Variants in SPATS1 observed in about 807,000 individuals in gnomAD.
The protein encoded by SPATS1 is spermatogenesis-associated serine-rich protein 1.
In SPATS1, 23 loss-of-function variants were observed where a neutral mutation model predicts 33.6. The observed-to-expected ratio is 0.68, with a 90% CI of 0.49 to 0.97. SPATS1 has a LOEUF of 0.97. SPATS1 is among the 50% of genes least tolerant of loss of function. The pLI is 0.00. For synonymous variants in SPATS1, 131 were observed against 125.6 expected, an observed-to-expected ratio of 1.04 and a Z score of -0.29; for missense variants, 327 against 361.0, an observed-to-expected ratio of 0.91 and a Z score of 0.76.
In SPATS1 at chr6:44,379,408, G is replaced by A. The variant is rs1359039748; in HGVS notation, c.*2345G>A. ...GATCGAGACCATCCTGGCTAACATG[G>A]AGAAACCCTGTCTCTATTAAAAACA... On this transcript the variant is annotated 3_prime_UTR_variant, in exon 9 of 9. Transcript: ENST00000674044. Among the ~76,000 whole-genome samples, 5 of 151,910 alleles carry A rather than the reference G, an allele frequency of 3.3e-5. No individual in the cohort carries two copies. Among genetic ancestry groups the A allele is most frequent in the South Asian group, 4.2e-4 (2 of 4,814 alleles).
intron 1 of SPATS1, 28 bp downstream of exon 1, chr6:44,342,796 C>G: frequency 1.6e-6 from 1 of 634,598 alleles, no homozygotes; most frequent in Non-Finnish European, 2.7e-6. Flanking sequence ...AGCACAGACC[C>G]GGGCCTCCCC....
chr6:44,349,635 A>T (rs1788117138), intron 2 of SPATS1, among the ~76,000 whole-genome samples: 1 of 152,222 alleles, frequency 6.6e-6, no homozygotes, highest in Non-Finnish European at 1.5e-5. Flanking sequence ...TAAAATAACG[A>T]TGCTATTACA....
chr6:44,358,197 A>T (rs1159148876), intron 3 of SPATS1, among the ~76,000 whole-genome samples: 1 of 152,218 alleles, frequency 6.6e-6, no homozygotes, highest in Non-Finnish European at 1.5e-5. Context: ...CAAGACAAGC[A>T]ATATGAAGTT....
chr6:44,354,406 T>C (rs1048058107), intron 3 of SPATS1, among the ~76,000 whole-genome samples: 11 of 152,088 alleles, frequency 7.2e-5, no homozygotes, highest in African/African-American at 2.7e-4. Flanking sequence ...AGAGAATATG[T>C]TAACATTTTG....
intron 7 of SPATS1, among the ~76,000 whole-genome samples, chr6:44,371,358 A>G (rs921386011): frequency 2.0e-5 from 3 of 152,108 alleles, no homozygotes; most frequent in Non-Finnish European, 4.4e-5. Context: ...GCTATGGTCA[A>G]TAAGACAATT....
At chr6:44,370,596 G>A (rs1328956879) in intron 7 of SPATS1, among the ~76,000 whole-genome samples, 3 of 152,048 alleles carry the variant, frequency 2.0e-5, no homozygotes, top group South Asian at 2.1e-4. Flanking sequence ...ACCTAAGCAG[G>A]TTTCTGACCT....
intron 6 of SPATS1, among the ~76,000 whole-genome samples, chr6:44,369,665 C>CT (rs1443411177): frequency 6.6e-6 from 1 of 151,724 alleles, no homozygotes; most frequent in African/African-American, 2.4e-5. Flanking sequence ...TCAGCCCAGG[C>CT]GTTCCAGACC....
intron 2 of SPATS1, among the ~76,000 whole-genome samples, chr6:44,343,745 G>A (rs957131558): frequency 6.6e-6 from 1 of 152,308 alleles, no homozygotes; most frequent in South Asian, 2.1e-4. Context: ...GGCCGAGGAG[G>A]GTATTTGGGG....
At chr6:44,364,373 T>C (rs1048115517) in intron 5 of SPATS1, among the ~76,000 whole-genome samples, 2 of 152,246 alleles carry the variant, frequency 1.3e-5, no homozygotes, top group Non-Finnish European at 2.9e-5. Context: ...GGTATGTCTG[T>C]TAAGTTTCTT....
intron 5 of SPATS1, among the ~76,000 whole-genome samples, chr6:44,368,117 A>G (rs60347589): frequency 0.039 from 5,946 of 152,280 alleles, 137 homozygotes; most frequent in Middle Eastern, 0.095. Context: ...TTCACCTTAT[A>G]TTTTAAACCA....
chr6:44,351,653 G>A (rs1788252530), intron 2 of SPATS1, among the ~76,000 whole-genome samples: 2 of 152,170 alleles, frequency 1.3e-5, no homozygotes, highest in Admixed American at 6.5e-5. Context: ...GAACAAATTG[G>A]CTTTCATGAA....
chr6:44,371,176 G>A (rs558932819), intron 7 of SPATS1, among the ~76,000 whole-genome samples: 1 of 151,192 alleles, frequency 6.6e-6, no homozygotes, highest in African/African-American at 2.4e-5. Flanking sequence ...GTATGCAACT[G>A]TAGTCCTAGG....
intron 2 of SPATS1, among the ~76,000 whole-genome samples, chr6:44,345,508 C>T (rs1787820335): frequency 6.6e-6 from 1 of 152,192 alleles, no homozygotes; most frequent in Non-Finnish European, 1.5e-5. Context: ...GGAAAGGACC[C>T]TCTCTGATAC....
chr6:44,368,424 A>C lies in SPATS1; in HGVS notation c.620A>C (p.Asn207Thr). The change falls in exon 6 of 9, where the codon AAT becomes ACT. Residue 207 changes from asparagine to threonine, a missense_variant. Coordinates refer to ENST00000674044, the MANE Select transcript of SPATS1 (RefSeq NM_001372081.1). Reference sequence around the variant, plus strand: ...ATCCCAAAGTTAACTCCAGGCGACAATCCATATATGTACCCAGAACAGAGT... The same window carrying C: ...ATCCCAAAGTTAACTCCAGGCGACACTCCATATATGTACCCAGAACAGAGT... Reference protein sequence around the residue: ...NGIPKLTPGDNPYMYPEQSKG... With the variant: ...NGIPKLTPGDTPYMYPEQSKG... 6.2e-7 allele frequency: 1 copy of C among 1,613,818 alleles called. No individual in the cohort carries two copies. Among genetic ancestry groups the C allele is most frequent in the Non-Finnish European group, 8.5e-7 (1 of 1,179,868 alleles).
At chr6:44,362,708 C>G (rs1788994749) in intron 5 of SPATS1, among the ~76,000 whole-genome samples, 1 of 152,152 alleles carries the variant, frequency 6.6e-6, no homozygotes, top group Non-Finnish European at 1.5e-5. Context: ...GACTTAAACT[C>G]ACAACAGAGA....
intron 4 of SPATS1, chr6:44,361,416 G>C: frequency 1.0e-6 from 1 of 985,332 alleles, no homozygotes; most frequent in Non-Finnish European, 1.2e-6. Context: ...TCCTCCACTT[G>C]AGGTGCCATG....
intron 7 of SPATS1, among the ~76,000 whole-genome samples, chr6:44,375,671 G>A (rs917521237): frequency 2.0e-5 from 3 of 152,136 alleles, no homozygotes; most frequent in Admixed American, 1.3e-4. Flanking sequence ...TTAGCTGGGC[G>A]TGGTGTCATG....
At chr6:44,352,309 T>C (rs960246827) in intron 2 of SPATS1, among the ~76,000 whole-genome samples, 7 of 152,022 alleles carry the variant, frequency 4.6e-5, no homozygotes, top group African/African-American at 1.7e-4. Flanking sequence ...TTTTGTTTTT[T>C]GTAGAGACGG....
chr6:44,353,709 T>C (rs1788381614), intron 3 of SPATS1, among the ~76,000 whole-genome samples: 1 of 152,180 alleles, frequency 6.6e-6, no homozygotes, highest in African/African-American at 2.4e-5. Flanking sequence ...TTAAGTTTAT[T>C]GTAGAAAATT....
Sources: gnomAD v4.1 joint callset for allele counts (sites outside exome capture counted in the v4.1 genomes callset) on GRCh38, gnomAD v4.1.1 for gene constraint, MANE v1.5 for transcripts, NCBI Gene and HGNC (gene_info 2026-07-23, HGNC 2026-07-21) for gene names.